Variants in PTN observed in about 807,000 individuals in gnomAD.
PTN encodes pleiotrophin.
In PTN, 18 loss-of-function variants were observed where a neutral mutation model predicts 24.1. That is an observed-to-expected ratio of 0.75 (90% CI 0.52 to 1.11). The LOEUF (loss-of-function observed/expected upper bound fraction) is 1.11. Ranked by LOEUF, PTN falls within the 50% of genes least tolerant of loss-of-function variation. The pLI is 0.00. For synonymous variants in PTN, 78 were observed against 68.6 expected, an observed-to-expected ratio of 1.14 and a Z score of -0.67; for missense variants, 163 against 198.8, an observed-to-expected ratio of 0.82 and a Z score of 1.08.
chr7:137,259,231 T>G (rs1808989551), intron 1 of PTN, among the ~76,000 whole-genome samples: 1 of 152,068 alleles, frequency 6.6e-6, no homozygotes, highest in Non-Finnish European at 1.5e-5. Context: ...AAAAGAGAGC[T>G]CCCCTTTTCC....
chr7:137,299,981 G>A (rs914768331), intron 1 of PTN, among the ~76,000 whole-genome samples: 3 of 151,828 alleles, frequency 2.0e-5, no homozygotes, highest in African/African-American at 7.3e-5. Context: ...GAAAGCCTAT[G>A]GCCTTTCATC....
chr7:137,321,588 T>C (rs1475794930), intron 1 of PTN, among the ~76,000 whole-genome samples: 1 of 152,200 alleles, frequency 6.6e-6, no homozygotes, highest in African/African-American at 2.4e-5. Context: ...TCCATGACAA[T>C]GTGATTTTTG....
Position 137,284,764 on chromosome 7 carries a change from T to C in PTN, c.-1-29790A>G, listed in dbSNP as rs534869700. ...AAGAAGTTGACAGAAGATTCCCTCCTTCACCTGTTCCGTAAAGACTTAATA... is the reference window on the plus strand; with the variant it reads ...AAGAAGTTGACAGAAGATTCCCTCCCTCACCTGTTCCGTAAAGACTTAATA... On this transcript the variant is annotated intron_variant, in intron 1 of 4. Transcript: ENST00000348225. Among the ~76,000 whole-genome samples, 13 of 152,274 alleles carry C rather than the reference T, an allele frequency of 8.5e-5. No homozygotes were observed. The South Asian group carries it at 2.3e-3, about 27-fold the overall frequency.
chr7:137,271,200 C>A (rs1398110308), intron 1 of PTN, among the ~76,000 whole-genome samples: 1 of 152,128 alleles, frequency 6.6e-6, no homozygotes, highest in Non-Finnish European at 1.5e-5. Context: ...GTATTAATAT[C>A]CAATGTCATA....
chr7:137,239,384 T>TTATG (rs1808581683), intron 4 of PTN, among the ~76,000 whole-genome samples: 1 of 110,370 alleles, frequency 9.1e-6, no homozygotes. Flanking sequence ...TTTTATTTAT[T>TTATG]TATTTATTTA....
In PTN at chr7:137,252,121, G is replaced by A. The variant is rs542322528; in HGVS notation, c.290-730C>T. Among the ~76,000 whole-genome samples the A allele has an allele frequency of 8.6e-4, 131 of 152,016 alleles. 1 individual carries two copies. The highest frequency in any genetic ancestry group is 1.7e-3 in the Admixed American group (26 of 15,294). ...AAAACTGCAATACTCTTTTTCCACT[G>A]TGGCTGTACCACCTTACAATTTCCA... On this transcript the variant is annotated intron_variant, in intron 3 of 4. Coordinates refer to ENST00000348225, the MANE Select transcript of PTN (RefSeq NM_002825.7).
chr7:137,295,555 C>G (rs1251681286), intron 1 of PTN, among the ~76,000 whole-genome samples: 1 of 151,698 alleles, frequency 6.6e-6, no homozygotes, highest in East Asian at 1.9e-4. Context: ...AAAATACACA[C>G]TGAATTTCAA....
In PTN at chr7:137,227,890, T is replaced by C; in HGVS notation, c.*130A>G. On this transcript the variant is annotated 3_prime_UTR_variant, in exon 5 of 5. Coordinates refer to ENST00000348225, the MANE Select transcript of PTN (RefSeq NM_002825.7). ...ACGCTACTACAAAAATTTTCTTTTC[T>C]TTTTGTTTTTGCTTATTGTGTACTT... The C allele has an allele frequency of 7.6e-7, 1 of 1,314,778 alleles. No homozygotes were observed. The highest frequency in any genetic ancestry group is 1.0e-6 in the Non-Finnish European group (1 of 988,170). 81.4% of individuals were successfully genotyped at this position (1,314,778 alleles called of 1,614,324 possible).
At chr7:137,289,510 A>T (rs1809608036) in intron 1 of PTN, among the ~76,000 whole-genome samples, 1 of 152,210 alleles carries the variant, frequency 6.6e-6, no homozygotes, top group Non-Finnish European at 1.5e-5. Context: ...TAAAATAGGG[A>T]TATTATCTAG....
At chr7:137,335,762 A>T (rs1159691832) in intron 1 of PTN, among the ~76,000 whole-genome samples, 2 of 152,196 alleles carry the variant, frequency 1.3e-5, no homozygotes, top group Non-Finnish European at 2.9e-5. Context: ...GCTATCATGT[A>T]AATGAACTGC....
chr7:137,287,651 A>C (rs910110381), intron 1 of PTN: 2 of 152,204 alleles, frequency 1.3e-5, no homozygotes, highest in Non-Finnish European at 2.9e-5. Flanking sequence ...GCCTATATTC[A>C]ATATGACAAA....
At chr7:137,279,935 A>C (rs964803055) in intron 1 of PTN, among the ~76,000 whole-genome samples, 1 of 152,226 alleles carries the variant, frequency 6.6e-6, no homozygotes, top group African/African-American at 2.4e-5. Context: ...AGAAGAAAAT[A>C]AGTTAAATTT....
chr7:137,339,008 G>A (rs773583255), intron 1 of PTN, among the ~76,000 whole-genome samples: 34 of 151,514 alleles, frequency 2.2e-4, no homozygotes, highest in African/African-American at 8.2e-4. Context: ...GGAAATAAAT[G>A]TACACATTTG....
intron 4 of PTN, among the ~76,000 whole-genome samples, chr7:137,240,060 T>C (rs1808601907): frequency 6.6e-6 from 1 of 152,186 alleles, no homozygotes; most frequent in African/African-American, 2.4e-5. Flanking sequence ...GTTCAAAAGT[T>C]ACCTTGTCCG....
intron 1 of PTN, among the ~76,000 whole-genome samples, chr7:137,296,049 T>C (rs1809713654): frequency 6.6e-6 from 1 of 151,996 alleles, no homozygotes; most frequent in Non-Finnish European, 1.5e-5. Context: ...AATTGGAAAA[T>C]CTCATTCCTT....
chr7:137,237,873 TG>T (rs1808551184), intron 4 of PTN, among the ~76,000 whole-genome samples: 1 of 152,120 alleles, frequency 6.6e-6, no homozygotes, highest in Admixed American at 6.6e-5. Flanking sequence ...GATCTGAAAA[TG>T]TTTTTTTCTA....
At chr7:137,261,835 G>C (rs929160353) in intron 1 of PTN, among the ~76,000 whole-genome samples, 1 of 152,192 alleles carries the variant, frequency 6.6e-6, no homozygotes, top group African/African-American at 2.4e-5. Context: ...AGTCTTCTTG[G>C]TCTCTCTCTG....
chr7:137,317,877 A>T (rs1810099190), intron 1 of PTN, among the ~76,000 whole-genome samples: 1 of 152,176 alleles, frequency 6.6e-6, no homozygotes, highest in African/African-American at 2.4e-5. Context: ...GTTCAGGATG[A>T]GTAAGTACCC....
chr7:137,269,624 A>ATTTTTTTTTTTTTTTTTTTTT (rs869311084), intron 1 of PTN, among the ~76,000 whole-genome samples: 2 of 63,010 alleles, frequency 3.2e-5, no homozygotes, highest in African/African-American at 1.5e-4. Context: ...TGCTTCATCT[A>ATTTTTTTTTTTTTTTTTTTTT]TTTTTTTTTT....
Sources: allele counts gnomAD v4.1 joint callset (sites outside exome capture counted in the v4.1 genomes callset), GRCh38; gene constraint gnomAD v4.1.1; transcripts MANE v1.5; gene names NCBI Gene and HGNC (gene_info 2026-07-23, HGNC 2026-07-21).